The following LAMA3 variants were observed in gnomAD, a reference collection of about 807,000 sequenced individuals.
LAMA3 encodes laminin subunit alpha 3.
Under a neutral mutation model 402.0 loss-of-function variants are expected in LAMA3, and 281 were observed. The observed-to-expected ratio is 0.70, with a 90% CI of 0.63 to 0.77. LAMA3 has a LOEUF of 0.77. LAMA3 is among the 30% of genes least tolerant of loss of function. The pLI is 0.00. For synonymous variants in LAMA3, 1,431 were observed against 1,558.4 expected (o/e 0.92, Z 1.93); for missense variants, 3,840 against 4,215.5 (o/e 0.91, Z 2.47).
intron 1 of LAMA3, among the ~76,000 whole-genome samples, chr18:23,706,890 C>T (rs1598615977): frequency 6.6e-6 from 1 of 152,180 alleles, no homozygotes; most frequent in Non-Finnish European, 1.5e-5. Context: ...ACCAGCCTGA[C>T]CAACATGGAG....
At chr18:23,875,589 G>A (rs928098931) in intron 38 of LAMA3, among the ~76,000 whole-genome samples, 1 of 152,032 alleles carries the variant, frequency 6.6e-6, no homozygotes, top group African/African-American at 2.4e-5. Context: ...CCTAGTGAGT[G>A]GCAATAAAGT....
intron 23 of LAMA3, among the ~76,000 whole-genome samples, chr18:23,831,498 C>T (rs2063489673): frequency 6.6e-6 from 1 of 152,056 alleles, no homozygotes; most frequent in Admixed American, 6.6e-5. Flanking sequence ...CCTTGTCCTC[C>T]ACACTCAACT....
chr18:23,897,436 G>A (rs937628162), intron 44 of LAMA3, among the ~76,000 whole-genome samples: 5 of 152,336 alleles, frequency 3.3e-5, no homozygotes, highest in South Asian at 2.1e-4. Flanking sequence ...CCACTGGCTT[G>A]CTTGGATTTC....
chr18:23,846,187 G>A (rs968834719), intron 30 of LAMA3, 110 bp from the exon 31 acceptor site: 24 of 1,094,974 alleles, frequency 2.2e-5, no homozygotes, highest in Non-Finnish European at 3.0e-5. Context: ...CCAGAACCAT[G>A]AGCCCGTCCC....
At chr18:23,803,171 T>C (rs2062896162) in intron 12 of LAMA3, among the ~76,000 whole-genome samples, 1 of 152,214 alleles carries the variant, frequency 6.6e-6, no homozygotes, top group African/African-American at 2.4e-5. Context: ...TGTATCCAAG[T>C]AAGTGTCCAT....
At chr18:23,771,799 A>G (rs1568167750) in intron 8 of LAMA3, among the ~76,000 whole-genome samples, 1 of 152,198 alleles carries the variant, frequency 6.6e-6, no homozygotes, top group African/African-American at 2.4e-5. Flanking sequence ...AAAGGTGTTC[A>G]CTGTAAAGTT....
chr18:23,797,608 G>T (rs1239519326), intron 12 of LAMA3, among the ~76,000 whole-genome samples: 1 of 152,050 alleles, frequency 6.6e-6, no homozygotes, highest in Non-Finnish European at 1.5e-5. Context: ...CCAGCTACTC[G>T]GGAGGCTGAG....
At chr18:23,910,017 A>G (rs977546976) in intron 55 of LAMA3, among the ~76,000 whole-genome samples, 2 of 152,178 alleles carry the variant, frequency 1.3e-5, no homozygotes, top group African/African-American at 4.8e-5. Flanking sequence ...AAGTATTCCC[A>G]ACATAAAAAC....
intron 12 of LAMA3, among the ~76,000 whole-genome samples, chr18:23,793,359 A>G (rs1190739226): frequency 6.6e-6 from 1 of 152,074 alleles, no homozygotes; most frequent in African/African-American, 2.4e-5. Flanking sequence ...CAGGGTCAGC[A>G]AGGCCCCAAG....
At chr18:23,869,625 T>A (rs922111297) in intron 37 of LAMA3, among the ~76,000 whole-genome samples, 1 of 152,258 alleles carries the variant, frequency 6.6e-6, no homozygotes, top group Non-Finnish European at 1.5e-5. Context: ...TACCATTTGT[T>A]AAGAATGGTG....
chr18:23,693,359 T>G (rs942522085), intron 1 of LAMA3, among the ~76,000 whole-genome samples: 52 of 152,250 alleles, frequency 3.4e-4, no homozygotes, highest in Admixed American at 3.4e-3. Flanking sequence ...ACAATAATAC[T>G]GGTTTTTATG....
At chr18:23,887,397 T>C (rs2065107849) in intron 41 of LAMA3, among the ~76,000 whole-genome samples, 1 of 152,188 alleles carries the variant, frequency 6.6e-6, no homozygotes, top group African/African-American at 2.4e-5. Flanking sequence ...ATCCTCTTTA[T>C]GGCTCTTCAC....
chr18:23,780,482 C>T (rs1214133634), intron 11 of LAMA3, among the ~76,000 whole-genome samples: 2 of 151,818 alleles, frequency 1.3e-5, no homozygotes, highest in Non-Finnish European at 2.9e-5. Flanking sequence ...GAAGAGAAGC[C>T]GTGGGGCTAG....
intron 33 of LAMA3, 144 bp from the exon 34 acceptor site, chr18:23,858,545 C>T: frequency 1.3e-6 from 1 of 782,004 alleles, no homozygotes; most frequent in Non-Finnish European, 2.3e-6. Flanking sequence ...GGGATGAAAG[C>T]TTAATAATTA....
In LAMA3 at chr18:23,784,058, A is replaced by G; in HGVS notation, c.1504A>G (p.Ile502Val). The change falls in exon 12 of 75, where the codon ATA becomes GTA. Residue 502 changes from isoleucine to valine, a missense_variant. Physicochemically the swap from Ile to Val is conservative, Grantham distance 29. Transcript: ENST00000313654. ...DCNLEGVLPE[I>V]CDAHGRCLCR... Reference sequence around the variant, plus strand: ...TAATCTGGAAGGTGTTCTCCCTGAAATATGTGATGCCCACGGACGGTGCCT... The same window carrying G: ...TAATCTGGAAGGTGTTCTCCCTGAAGTATGTGATGCCCACGGACGGTGCCT... The G allele has an allele frequency of 6.2e-7, 1 of 1,614,044 alleles. No homozygotes were observed. Among genetic ancestry groups the G allele is most frequent in the Non-Finnish European group, 8.5e-7 (1 of 1,179,986 alleles).
chr18:23,845,802 T>C (rs879402346), intron 30 of LAMA3, among the ~76,000 whole-genome samples: 8 of 152,190 alleles, frequency 5.3e-5, no homozygotes, highest in Non-Finnish European at 1.0e-4. Context: ...ACCTAACTTC[T>C]AGGAGCCTCA....
intron 2 of LAMA3, among the ~76,000 whole-genome samples, chr18:23,723,206 T>G (rs1403838429): frequency 6.6e-6 from 1 of 152,144 alleles, no homozygotes; most frequent in Non-Finnish European, 1.5e-5. Context: ...TTAAAAAAAT[T>G]TCTATCTTTG....
At chr18:23,889,099 G>A (rs929154985) in intron 41 of LAMA3, among the ~76,000 whole-genome samples, 1 of 152,072 alleles carries the variant, frequency 6.6e-6, no homozygotes, top group Non-Finnish European at 1.5e-5. Context: ...TATACAGCAC[G>A]GCAGCAATTA....
intron 57 of LAMA3, 60 bp downstream of exon 57, chr18:23,914,621 A>G (rs2081549753): frequency 1.9e-6 from 3 of 1,606,988 alleles, no homozygotes. Flanking sequence ...ATGTTGCTGA[A>G]CCCCATTTTT....
Sources: gnomAD v4.1 joint callset for allele counts (sites outside exome capture counted in the v4.1 genomes callset) on GRCh38, gnomAD v4.1.1 for gene constraint, MANE v1.5 for transcripts, NCBI Gene and HGNC (gene_info 2026-07-23, HGNC 2026-07-21) for gene names.